Variants in FAM163B observed in about 807,000 individuals in gnomAD.
FAM163B encodes the protein family with sequence similarity 163 member B.
A neutral mutation model predicts 7.6 loss-of-function variants in FAM163B; 4 were observed. That is an observed-to-expected ratio of 0.52 (90% CI 0.26 to 1.20). The LOEUF (loss-of-function observed/expected upper bound fraction) is 1.20. Ranked by LOEUF, FAM163B falls within the 50% of genes most tolerant of loss-of-function variation. FAM163B has a pLI of 0.14. For missense variants in FAM163B, 250 were observed against 243.0 expected (o/e 1.03, Z -0.19); for synonymous variants, 120 against 111.6 (o/e 1.07, Z -0.47).
intron 1 of FAM163B, among the ~76,000 whole-genome samples, chr9:133,598,024 TTC>T: frequency 6.6e-6 from 1 of 152,184 alleles, no homozygotes; most frequent in South Asian, 2.1e-4. Context: ...CCACTGTGGA[TTC>T]TGATTTTCTC....
At chr9:133,598,711 G>T (rs1212968673) in intron 1 of FAM163B, among the ~76,000 whole-genome samples, 2 of 152,192 alleles carry the variant, frequency 1.3e-5, no homozygotes, top group Non-Finnish European at 1.5e-5. Context: ...AGTTTTGGCT[G>T]AGTTTTTGGG....
chr9:133,608,948 G>C (rs1831821055), intron 1 of FAM163B, among the ~76,000 whole-genome samples, 129 bp downstream of exon 1: 1 of 152,238 alleles, frequency 6.6e-6, no homozygotes, highest in Admixed American at 6.5e-5. Context: ...AGCTGGGTCA[G>C]GGGACCTGGT....
At chr9:133,607,510 A>T (rs74843418) in intron 1 of FAM163B, among the ~76,000 whole-genome samples, 7 of 152,212 alleles carry the variant, frequency 4.6e-5, no homozygotes, top group African/African-American at 1.7e-4. Context: ...CTGAGAGTCC[A>T]GCAATGCACC....
chr9:133,594,223 A>G (rs1173301570), intron 1 of FAM163B, among the ~76,000 whole-genome samples: 1 of 152,192 alleles, frequency 6.6e-6, no homozygotes, highest in Non-Finnish European at 1.5e-5. Flanking sequence ...AGTCCATCCA[A>G]GGAATCTCTC....
At chr9:133,604,340 C>G (rs1831764548) in intron 1 of FAM163B, among the ~76,000 whole-genome samples, 1 of 151,406 alleles carries the variant, frequency 6.6e-6, no homozygotes, top group South Asian at 2.1e-4. Context: ...ACAACCAAGA[C>G]CTGTTAAGTC....
chr9:133,583,407 A>C (rs1295719495), intron 1 of FAM163B, among the ~76,000 whole-genome samples: 5 of 152,144 alleles, frequency 3.3e-5, no homozygotes, highest in African/African-American at 1.2e-4. Flanking sequence ...TAAACCCCCA[A>C]GTGCCAGCCT....
At chr9:133,587,719 G>A (rs796966627) in intron 1 of FAM163B, among the ~76,000 whole-genome samples, 31 of 152,232 alleles carry the variant, frequency 2.0e-4, no homozygotes, top group African/African-American at 3.4e-4. Context: ...AGTGGCTTGC[G>A]TCCCCGACGG....
At chr9:133,598,915 G>A (rs1831670656) in intron 1 of FAM163B, among the ~76,000 whole-genome samples, 1 of 152,084 alleles carries the variant, frequency 6.6e-6, no homozygotes, top group African/African-American at 2.4e-5. Flanking sequence ...CAGAACAAAG[G>A]TGGCCTGAGA....
chr9:133,582,354 T>C (rs1831368603), intron 1 of FAM163B, among the ~76,000 whole-genome samples: 1 of 152,208 alleles, frequency 6.6e-6, no homozygotes, highest in African/African-American at 2.4e-5. Context: ...GCAGTCATGA[T>C]TCTTTTTGAT....
rs537635117 is a variant in FAM163B at position 133,606,347 on chromosome 9, G to C, written c.-24+2730C>G. 2.0e-5 allele frequency among the ~76,000 whole-genome samples: 3 copies of C among 152,340 alleles called. No homozygotes were observed. Among genetic ancestry groups the C allele is most frequent in the Non-Finnish European group, 2.9e-5 (2 of 68,038 alleles). On this transcript the variant is annotated intron_variant, in intron 1 of 2. Transcript: ENST00000673969. This position sits in a 1 kb window ranked among gnomAD's most constrained non-coding sequence, Gnocchi z 4.0. Reference sequence around the variant, plus strand: ...AGGGAGGGAGCTGGCAAACACTGAGGCCTCGGAACTCATCAAATCCCCTCT... The same window carrying C: ...AGGGAGGGAGCTGGCAAACACTGAGCCCTCGGAACTCATCAAATCCCCTCT...
At chr9:133,594,926 C>A (rs957005712) in intron 1 of FAM163B, among the ~76,000 whole-genome samples, 5 of 152,090 alleles carry the variant, frequency 3.3e-5, no homozygotes, top group Non-Finnish European at 7.4e-5. Context: ...AGTATAAGAG[C>A]AGGAGGGGGA....
chr9:133,603,434 A>G (rs527730400), intron 1 of FAM163B, among the ~76,000 whole-genome samples: 1 of 152,328 alleles, frequency 6.6e-6, no homozygotes, highest in East Asian at 1.9e-4. Flanking sequence ...CCAGGGGGTG[A>G]GAGGTGGCCT....
In FAM163B at chr9:133,577,296, C is replaced by A. The variant is rs1310152576; in HGVS notation, c.*1726G>T. 7.3e-5 allele frequency among the ~76,000 whole-genome samples: 11 copies of A among 151,340 alleles called. No individual in the cohort carries two copies. Among genetic ancestry groups the A allele is most frequent in the Non-Finnish European group, 1.5e-4 (10 of 67,752 alleles). On this transcript the variant is annotated 3_prime_UTR_variant, in exon 3 of 3. Transcript: ENST00000673969. ...TCCCCACCCCACCCAGCCCACCCCC[C>A]ACGCCAACGCATCAGAAACAGACTT...
At chr9:133,585,284 G>C (rs7862286) in intron 1 of FAM163B, among the ~76,000 whole-genome samples, 1 of 151,914 alleles carries the variant, frequency 6.6e-6, no homozygotes, top group African/African-American at 2.4e-5. Flanking sequence ...TGCCTCCCCC[G>C]GGAGCCCCCT....
rs559920221 is a variant in FAM163B at position 133,600,038 on chromosome 9, T to C, written c.-24+9039A>G. Among the ~76,000 whole-genome samples, 171 of 145,460 alleles carry C rather than the reference T, an allele frequency of 1.2e-3. No homozygotes were observed. The highest frequency in any genetic ancestry group is 4.4e-3 in the African/African-American group (168 of 38,470). Reference sequence around the variant, plus strand: ...TGCATTTGTGTGCATGTATGTGTGGTCTGTGTGGATGTGTGTGAGTTTGTG... The same window carrying C: ...TGCATTTGTGTGCATGTATGTGTGGCCTGTGTGGATGTGTGTGAGTTTGTG... On this transcript the variant is annotated intron_variant, in intron 1 of 2. Transcript: ENST00000673969. The surrounding 1 kb of genome is among the most constrained non-coding windows in gnomAD (Gnocchi z 4.9).
chr9:133,580,290 C>A, intron 1 of FAM163B, 44 bp from the exon 2 acceptor site: 1 of 1,393,058 alleles, frequency 7.2e-7, no homozygotes, highest in Non-Finnish European at 1.0e-6. Flanking sequence ...GCTTCCTCAC[C>A]ACAAAAGTCA....
At chr9:133,588,635 GA>G (rs1831484097) in intron 1 of FAM163B, among the ~76,000 whole-genome samples, 1 of 149,382 alleles carries the variant, frequency 6.7e-6, no homozygotes, top group African/African-American at 2.5e-5. Context: ...CATGTTGAGG[GA>G]TCTAGCAGGT....
intron 1 of FAM163B, among the ~76,000 whole-genome samples, chr9:133,592,958 C>T (rs9409837): frequency 0.39 from 58,622 of 152,130 alleles, 11,570 homozygotes; most frequent in Admixed American, 0.46. Context: ...GGTGGGCTCA[C>T]GAACCAATAC....
chr9:133,599,647 TGTTA>T (rs1158424857), intron 1 of FAM163B, among the ~76,000 whole-genome samples: 9 of 151,510 alleles, frequency 5.9e-5, no homozygotes, highest in East Asian at 5.8e-4. Context: ...AGTGTGCATG[TGTTA>T]GTTGTGTCTG....
Sources: allele counts gnomAD v4.1 joint callset (sites outside exome capture counted in the v4.1 genomes callset), GRCh38; gene constraint gnomAD v4.1.1; non-coding constraint Gnocchi (gnomAD v3.1); transcripts MANE v1.5; gene names NCBI Gene and HGNC (gene_info 2026-07-23, HGNC 2026-07-21).